The following PALLD variants were observed in gnomAD, a reference collection of about 807,000 sequenced individuals.
PALLD encodes palladin.
In PALLD, 61 loss-of-function variants were observed where a neutral mutation model predicts 123.5. The observed-to-expected ratio is 0.49, with a 90% confidence interval of 0.40 to 0.61. The LOEUF is 0.61. PALLD is among the 20% of genes least tolerant of loss of function. PALLD has a pLI of 0.00. For synonymous variants in PALLD, 465 were observed against 496.4 expected (o/e 0.94, Z 0.84); for missense variants, 1,273 against 1,377.0 (o/e 0.92, Z 1.20).
intron 2 of PALLD, among the ~76,000 whole-genome samples, chr4:168,600,592 G>A (rs1350136518): frequency 6.6e-6 from 1 of 152,016 alleles, no homozygotes; most frequent in African/African-American, 2.4e-5. Flanking sequence ...ATCACAATCT[G>A]TGACCAGAAC....
intron 2 of PALLD, among the ~76,000 whole-genome samples, chr4:168,524,671 C>G (rs1370226650): frequency 6.6e-6 from 1 of 152,162 alleles, no homozygotes; most frequent in Non-Finnish European, 1.5e-5. Context: ...GGTGAGTCCT[C>G]CTGACCATCA....
intron 2 of PALLD, among the ~76,000 whole-genome samples, chr4:168,575,473 A>G (rs1769469469): frequency 6.6e-6 from 1 of 152,006 alleles, no homozygotes; most frequent in Non-Finnish European, 1.5e-5. Flanking sequence ...CCCATGATCC[A>G]ATCATCTCCC....
intron 10 of PALLD, among the ~76,000 whole-genome samples, chr4:168,878,927 G>T (rs900938174): frequency 6.6e-6 from 1 of 152,154 alleles, no homozygotes; most frequent in Non-Finnish European, 1.5e-5. Flanking sequence ...GGATGTGAAG[G>T]AGTTTGGTTA....
At chr4:168,805,037 T>C (rs759523787) in intron 10 of PALLD, among the ~76,000 whole-genome samples, 10 of 151,886 alleles carry the variant, frequency 6.6e-5, no homozygotes, top group Non-Finnish European at 1.3e-4. Flanking sequence ...CAGGTGCCTA[T>C]AATCCAGCTA....
intron 1 of PALLD, among the ~76,000 whole-genome samples, chr4:168,497,832 A>G (rs945560221): frequency 6.6e-6 from 1 of 152,238 alleles, no homozygotes; most frequent in Admixed American, 6.5e-5. Context: ...ACATCACAGA[A>G]TAATTTTTAT....
chr4:168,839,472 T>C (rs1168796919), intron 10 of PALLD, among the ~76,000 whole-genome samples: 1 of 151,848 alleles, frequency 6.6e-6, no homozygotes, highest in Non-Finnish European at 1.5e-5. Flanking sequence ...GAACTAGATA[T>C]TGGTAATCTC....
chr4:168,845,934 G>A (rs1349619616), intron 10 of PALLD, among the ~76,000 whole-genome samples: 3 of 152,300 alleles, frequency 2.0e-5, no homozygotes, highest in African/African-American at 7.2e-5. Flanking sequence ...AGTTGTTAGT[G>A]AAAATCTCAG....
At chr4:168,903,645 T>G (rs1249983011) in intron 14 of PALLD, 112 bp from the exon 15 acceptor site, 1 of 873,034 alleles carries the variant, frequency 1.1e-6, no homozygotes, top group African/African-American at 1.6e-5. Flanking sequence ...TTTAACATTT[T>G]AACATGAAAA....
chr4:168,514,270 C>A (rs1762796854), intron 2 of PALLD, among the ~76,000 whole-genome samples: 1 of 152,202 alleles, frequency 6.6e-6, no homozygotes, highest in Non-Finnish European at 1.5e-5. Flanking sequence ...CCTTTGCTCA[C>A]TAACACAAGC....
At chr4:168,561,467 G>A (rs144159896) in intron 2 of PALLD, among the ~76,000 whole-genome samples, 1 of 152,144 alleles carries the variant, frequency 6.6e-6, no homozygotes, top group African/African-American at 2.4e-5. Context: ...GGAAATAGGG[G>A]TCTTGCTATA....
chr4:168,653,639 T>C lies in PALLD; in HGVS notation c.909-14551T>C, dbSNP rs996669020. ...AGAACATTGATCCACAAGACAACCT[T>C]TGAGTATGCTGTTCTTTTCCTTCAC... On this transcript the variant is annotated intron_variant, in intron 2 of 21. Transcript: ENST00000505667. Among the ~76,000 whole-genome samples, 2 of 152,252 alleles carry C rather than the reference T, an allele frequency of 1.3e-5. 1 individual carries two copies. Among genetic ancestry groups the C allele is most frequent in the Non-Finnish European group, 2.9e-5 (2 of 68,052 alleles).
chr4:168,631,774 G>A (rs1169083623), intron 2 of PALLD: 1 of 985,360 alleles, frequency 1.0e-6, no homozygotes, highest in Non-Finnish European at 1.2e-6. Flanking sequence ...AATTTTCTCC[G>A]TTGCATTCTG....
intron 10 of PALLD, among the ~76,000 whole-genome samples, chr4:168,776,727 G>A (rs1036776011): frequency 5.3e-5 from 8 of 152,084 alleles, no homozygotes; most frequent in African/African-American, 1.7e-4. Context: ...TTTGTTAAAT[G>A]CTTTTCTGCC....
At chr4:168,818,109 A>G (rs1561558283) in intron 10 of PALLD, among the ~76,000 whole-genome samples, 1 of 152,236 alleles carries the variant, frequency 6.6e-6, no homozygotes, top group Admixed American at 6.5e-5. Context: ...ACTCTATTGA[A>G]TAAGCTACCT....
chr4:168,749,352 G>A (rs1287921157), intron 10 of PALLD, among the ~76,000 whole-genome samples: 6 of 151,702 alleles, frequency 4.0e-5, no homozygotes, highest in South Asian at 2.1e-4. Context: ...ACACAAGAAC[G>A]GCCTAACACA....
intron 10 of PALLD, among the ~76,000 whole-genome samples, chr4:168,775,659 T>C (rs1735081265): frequency 6.6e-6 from 1 of 152,214 alleles, no homozygotes; most frequent in African/African-American, 2.4e-5. Context: ...ACACATATTA[T>C]AGTTTATGTT....
chr4:168,855,876 C>T (rs1371706545), intron 10 of PALLD, among the ~76,000 whole-genome samples: 2 of 152,208 alleles, frequency 1.3e-5, no homozygotes, highest in Admixed American at 6.5e-5. Context: ...TTTAGATTCA[C>T]TGGTTACATG....
At chr4:168,593,996 T>A (rs1006614360) in intron 2 of PALLD, among the ~76,000 whole-genome samples, 6 of 152,220 alleles carry the variant, frequency 3.9e-5, no homozygotes, top group African/African-American at 1.2e-4. Context: ...ATCTGGGTAG[T>A]TTCACAGCCT....
intron 2 of PALLD, among the ~76,000 whole-genome samples, chr4:168,633,617 CTTCA>C (rs199737216): frequency 0.013 from 2,035 of 152,194 alleles, 52 homozygotes; most frequent in African/African-American, 0.046. Flanking sequence ...GAAAATCTCC[CTTCA>C]TTTAAATGAA....
Sources: gnomAD v4.1 joint callset for allele counts (sites outside exome capture counted in the v4.1 genomes callset) on GRCh38, gnomAD v4.1.1 for gene constraint, MANE v1.5 for transcripts, NCBI Gene and HGNC (gene_info 2026-07-23, HGNC 2026-07-21) for gene names.